Variants in ERBIN observed in about 807,000 individuals in gnomAD.
ERBIN encodes densin-180-like protein.
In ERBIN, 60 loss-of-function variants were observed where a neutral mutation model predicts 158.4. The ratio of observed to expected loss-of-function variants is 0.38; its 90% CI spans 0.31 to 0.47. ERBIN has a LOEUF of 0.47. Ranked by LOEUF, ERBIN falls within the 20% of genes least tolerant of loss-of-function variation. The pLI is 0.99. For missense variants in ERBIN, 1,610 were observed against 1,648.0 expected, an observed-to-expected ratio of 0.98 and a Z score of 0.40; for synonymous variants, 594 against 557.2, an observed-to-expected ratio of 1.07 and a Z score of -0.93.
At chr5:65,985,040 T>G (rs1751068410) in intron 1 of ERBIN, among the ~76,000 whole-genome samples, 3 of 152,212 alleles carry the variant, frequency 2.0e-5, no homozygotes, top group African/African-American at 2.4e-5. Context: ...GAAATAAGAT[T>G]GACCATGCAT....
rs748883590 is a variant in ERBIN, at chr5:66,076,425, T to C, written c.4056+17T>C. ...GATGATGATGTAAGTTTTCTTTGTA[T>C]ATTCTTGAAACACCTATAAAGTTTT... On this transcript the variant is annotated intron_variant, in intron 24 of 25. Transcript: ENST00000284037. The C allele has an allele frequency of 1.9e-6, 3 of 1,575,292 alleles. No individual in the cohort carries two copies. The East Asian group carries it at 6.7e-5, about 35-fold the overall frequency.
At chr5:65,969,551 G>A (rs1436428221) in intron 1 of ERBIN, among the ~76,000 whole-genome samples, 1 of 152,176 alleles carries the variant, frequency 6.6e-6, no homozygotes, top group Non-Finnish European at 1.5e-5. Context: ...CAAATGTAAA[G>A]CAGTATTATT....
intron 13 of ERBIN, among the ~76,000 whole-genome samples, chr5:66,027,210 C>G (rs114725159): frequency 0.021 from 3,206 of 151,998 alleles, 117 homozygotes; most frequent in African/African-American, 0.072. Flanking sequence ...AGGTGACTCA[C>G]GTAGCTTGTA....
intron 21 of ERBIN, among the ~76,000 whole-genome samples, chr5:66,070,520 G>GT (rs35132302): frequency 3.9e-4 from 59 of 151,056 alleles, no homozygotes; most frequent in African/African-American, 1.2e-3. Flanking sequence ...TTTTGTGCTT[G>GT]TTTTTTTTTA....
chr5:66,022,632 A>G (rs1755820884), intron 8 of ERBIN, among the ~76,000 whole-genome samples: 1 of 152,198 alleles, frequency 6.6e-6, no homozygotes, highest in South Asian at 2.1e-4. Context: ...GACAATGCCC[A>G]GGAGCAAATT....
intron 1 of ERBIN, among the ~76,000 whole-genome samples, chr5:65,971,843 C>G (rs1749282769): frequency 6.6e-6 from 1 of 152,086 alleles, no homozygotes; most frequent in Non-Finnish European, 1.5e-5. Context: ...AGTCAGGTGC[C>G]CGTTCCCTTT....
chr5:66,020,142 A>C (rs1415673739), intron 7 of ERBIN, among the ~76,000 whole-genome samples: 1 of 152,056 alleles, frequency 6.6e-6, no homozygotes, highest in Non-Finnish European at 1.5e-5. Context: ...CAGTTTTATA[A>C]AAATTGGCAT....
At chr5:66,073,572 A>T (rs1761716447) in intron 22 of ERBIN, among the ~76,000 whole-genome samples, 1 of 152,200 alleles carries the variant, frequency 6.6e-6, no homozygotes, top group Non-Finnish European at 1.5e-5. Flanking sequence ...ACAGTGAAAT[A>T]GAATGCCTTT....
At chr5:66,065,456 C>T (rs751583364) in intron 21 of ERBIN, among the ~76,000 whole-genome samples, 13 of 152,008 alleles carry the variant, frequency 8.6e-5, no homozygotes, top group Non-Finnish European at 1.8e-4. Flanking sequence ...TTTGAATAAC[C>T]AAACATTTGT....
intron 21 of ERBIN, among the ~76,000 whole-genome samples, chr5:66,069,811 A>G (rs144851725): frequency 5.0e-4 from 76 of 152,130 alleles, no homozygotes; most frequent in African/African-American, 1.7e-3. Flanking sequence ...GTATTTGCTT[A>G]CTTCTGGGTC....
chr5:66,068,867 CTT>C, intron 21 of ERBIN: 1 of 1,439,258 alleles, frequency 6.9e-7, no homozygotes, highest in Non-Finnish European at 9.2e-7. Context: ...TCTATCCCCT[CTT>C]TATTCAGAGC....
At chr5:65,969,889 T>G (rs2150983239) in intron 1 of ERBIN, among the ~76,000 whole-genome samples, 1 of 152,366 alleles carries the variant, frequency 6.6e-6, no homozygotes, top group South Asian at 2.1e-4. Flanking sequence ...ATATTGTTAT[T>G]TTTCAATAAT....
At chr5:66,072,672 A>G (rs994245143) in intron 22 of ERBIN, among the ~76,000 whole-genome samples, 8 of 152,226 alleles carry the variant, frequency 5.3e-5, no homozygotes, top group Non-Finnish European at 1.2e-4. Flanking sequence ...ACTAAAGTCA[A>G]ATGTAATTAC....
Position 66,048,658 on chromosome 5 carries a change from T to C in ERBIN, c.1789-9T>C. 6.3e-7 allele frequency: 1 copy of C among 1,580,224 alleles called. No homozygotes were observed. Among genetic ancestry groups the C allele is most frequent in the Non-Finnish European group, 8.7e-7 (1 of 1,155,592 alleles). On this transcript the variant is annotated splice_polypyrimidine_tract_variant and intron_variant, in intron 18 of 25. Coordinates refer to ENST00000284037, the MANE Select transcript of ERBIN (RefSeq NM_001253697.2). ...TTAATTTTTATCCCCCTCACCCCCT[T>C]TTCACTAGGAATCTGAAGAACTTTC...
At chr5:65,942,380 T>A (rs1403689375) in intron 1 of ERBIN, among the ~76,000 whole-genome samples, 1 of 152,244 alleles carries the variant, frequency 6.6e-6, no homozygotes, top group African/African-American at 2.4e-5. Flanking sequence ...CCAAAGATTT[T>A]TAATAGGTGT....
chr5:65,965,815 T>C (rs1235593327), intron 1 of ERBIN, among the ~76,000 whole-genome samples: 1 of 152,200 alleles, frequency 6.6e-6, no homozygotes, highest in African/African-American at 2.4e-5. Flanking sequence ...ACAATCTGAA[T>C]TTTCCTTATC....
In ERBIN at chr5:65,994,828, C is replaced by T. The variant is rs768902243; in HGVS notation, c.271C>T (p.Leu91Phe). 1 of 1,607,476 alleles carries T rather than the reference C, an allele frequency of 6.2e-7. No individual in the cohort carries two copies. The highest frequency in any genetic ancestry group is 8.5e-7 in the Non-Finnish European group (1 of 1,178,108). ...LTTLPASIAN[L>F]INLRELDVSK... ...AACGTTACCAGCATCCATTGCAAACCTTATTAATCTCAGGGAACTGGATGT... is the reference window on the plus strand; with the variant it reads ...AACGTTACCAGCATCCATTGCAAACTTTATTAATCTCAGGGAACTGGATGT... Residue 91 changes from leucine (L) to phenylalanine (F), a missense_variant, in exon 4 of 26, where the codon CTT (leucine) becomes TTT (phenylalanine). Leu to Phe is a conservative substitution (Grantham distance 22). Transcript: ENST00000284037.
intron 1 of ERBIN, among the ~76,000 whole-genome samples, chr5:65,965,005 G>C (rs759404423): frequency 1.4e-5 from 2 of 145,914 alleles, no homozygotes; most frequent in Non-Finnish European, 3.0e-5. Context: ...TGGCCAGGCT[G>C]GTTTGGAACT....
At chr5:65,940,818 C>T (rs1313815777) in intron 1 of ERBIN, among the ~76,000 whole-genome samples, 3 of 152,002 alleles carry the variant, frequency 2.0e-5, no homozygotes, top group South Asian at 4.1e-4. Context: ...GGGAAGTGTA[C>T]CCAACAGCTC....
Sources: allele counts gnomAD v4.1 joint callset (sites outside exome capture counted in the v4.1 genomes callset), GRCh38; gene constraint gnomAD v4.1.1; transcripts MANE v1.5; gene names NCBI Gene and HGNC (gene_info 2026-07-23, HGNC 2026-07-21).